SYBU: variants seen among roughly 807,000 people sequenced by gnomAD.
SYBU encodes GOLSYN A protein.
Under a neutral mutation model 35.9 loss-of-function variants are expected in SYBU, and 21 were observed. That is an observed-to-expected ratio of 0.58 (90% CI 0.41 to 0.84). SYBU has a LOEUF of 0.84. SYBU is among the 40% of genes least tolerant of loss of function. SYBU has a pLI of 0.00. For missense variants in SYBU, 768 were observed against 848.2 expected (o/e 0.91, Z 1.17); for synonymous variants, 319 against 324.3 (o/e 0.98, Z 0.18).
intron 3 of SYBU, among the ~76,000 whole-genome samples, chr8:109,602,949 A>G (rs1205351610): frequency 6.6e-6 from 1 of 152,232 alleles, no homozygotes; most frequent in African/African-American, 2.4e-5. Flanking sequence ...AAATATTTCC[A>G]AGATAAGTCC....
rs1563756104 is a variant in SYBU at position 109,642,772 on chromosome 8, G to A, written c.185C>T (p.Ser62Phe). 1 of 1,613,326 alleles carries A rather than the reference G, an allele frequency of 6.2e-7. No homozygotes were observed. ...GCTAACGGTCCTCGCTGAGCGCCCA[G>A]AGCTGCTGGGGTTGAACTCTCTGCT... The part of the protein sequence containing the change: ...EESREFNPSS[S>F]GRSARTVSSN... The change falls in exon 2 of 7, where the codon TCT becomes TTT. Residue 62 changes from serine to phenylalanine, a missense_variant. By Grantham distance (155) the Ser-to-Phe change is radical (BLOSUM62 -2). Transcript: ENST00000276646.
intron 3 of SYBU, among the ~76,000 whole-genome samples, chr8:109,605,100 G>T (rs755616821): frequency 6.6e-6 from 1 of 152,154 alleles, no homozygotes; most frequent in African/African-American, 2.4e-5. Flanking sequence ...ACCTCAGAAA[G>T]CTCCCCAGAT....
chr8:109,596,347 A>G (rs1186092046), intron 3 of SYBU, among the ~76,000 whole-genome samples: 2 of 152,240 alleles, frequency 1.3e-5, no homozygotes, highest in East Asian at 1.9e-4. Context: ...TTATTTACTG[A>G]CTGCTCTGTT....
Position 109,643,149 on chromosome 8 carries a change from A to G in SYBU, c.25-217T>C, listed in dbSNP as rs530118494. 364 of 169,046 alleles carry G rather than the reference A, an allele frequency of 2.2e-3. 3 individuals carry two copies. In the South Asian group the frequency reaches 0.077, roughly 36 times the overall value. The allele number at this position is 169,046 out of a possible 1,614,324, so 10.5% of individuals were successfully genotyped here. A position where few individuals can be genotyped will look rare whatever the true frequency, so the allele number is the denominator to read the frequency against. On this transcript the variant is annotated intron_variant, in intron 1 of 6. Transcript: ENST00000276646. ...ACTGAATAGCACATGTCTGTGTGGC[A>G]CACACACACACACACACACACACAT... is the stretch of plus-strand genomic sequence containing the variant.
At chr8:109,622,066 A>G (rs950497935) in intron 2 of SYBU, among the ~76,000 whole-genome samples, 1 of 152,124 alleles carries the variant, frequency 6.6e-6, no homozygotes, top group Non-Finnish European at 1.5e-5. Context: ...TCAAATGAAG[A>G]TAACACTCCT....
At chr8:109,663,617 T>C (rs893538710) in intron 1 of SYBU, among the ~76,000 whole-genome samples, 4 of 152,076 alleles carry the variant, frequency 2.6e-5, no homozygotes, top group African/African-American at 9.7e-5. Context: ...ACAATGAAAA[T>C]ATTTCTGGTG....
At chr8:109,638,307 C>T (rs968297677) in intron 2 of SYBU, among the ~76,000 whole-genome samples, 1 of 152,186 alleles carries the variant, frequency 6.6e-6, no homozygotes, top group Non-Finnish European at 1.5e-5. Flanking sequence ...CCTAGGTCAT[C>T]GGCTTTTCTA....
intron 3 of SYBU, among the ~76,000 whole-genome samples, chr8:109,587,442 C>A (rs1050015165): frequency 1.3e-5 from 2 of 152,134 alleles, no homozygotes; most frequent in Admixed American, 6.5e-5. Context: ...TGTCCAGGAC[C>A]AAATCTTCAT....
chr8:109,678,889 G>A (rs956909928), intron 1 of SYBU, among the ~76,000 whole-genome samples: 1 of 152,114 alleles, frequency 6.6e-6, no homozygotes, highest in Admixed American at 6.5e-5. Context: ...TTGAACTAGA[G>A]CAACTCCATT....
chr8:109,580,328 G>A, intron 4 of SYBU: 1 of 222,782 alleles, frequency 4.5e-6, no homozygotes, highest in South Asian at 8.6e-5. Flanking sequence ...TTTGGAGGCT[G>A]TTTATTTTGG....
At chr8:109,616,010 T>TC (rs1231342074) in intron 3 of SYBU, among the ~76,000 whole-genome samples, 11 of 99,874 alleles carry the variant, frequency 1.1e-4, no homozygotes, top group Non-Finnish European at 1.6e-4. Flanking sequence ...TTCTTTCTTT[T>TC]TTTTTTTTTT....
chr8:109,607,749 A>G (rs530137891), intron 3 of SYBU, among the ~76,000 whole-genome samples: 127 of 150,582 alleles, frequency 8.4e-4, no homozygotes, highest in African/African-American at 2.8e-3. Flanking sequence ...CATTCAGAGT[A>G]TCTGAGAGGT....
At chr8:109,617,254 T>G (rs895607768) in intron 3 of SYBU, among the ~76,000 whole-genome samples, 8 of 152,198 alleles carry the variant, frequency 5.3e-5, no homozygotes, top group African/African-American at 1.9e-4. Context: ...TACTGTATAA[T>G]TCCATTTGTT....
intron 2 of SYBU, among the ~76,000 whole-genome samples, chr8:109,632,282 C>CGGG (rs1294375443): frequency 6.6e-6 from 1 of 152,210 alleles, no homozygotes; most frequent in African/African-American, 2.4e-5. Flanking sequence ...CTCAGATGAC[C>CGGG]TGCCCGCCTT....
chr8:109,642,730 G>T lies in SYBU; in HGVS notation c.227C>A (p.Ser76Ter). The T allele has an allele frequency of 6.3e-7, 1 of 1,599,758 alleles. No homozygotes were observed. Among genetic ancestry groups the T allele is most frequent in the Non-Finnish European group, 8.5e-7 (1 of 1,173,200 alleles). ...GTGGCCTCCCGAGGGTACTGTACCT[G>T]AGCAGAAGCTGTTGCTGCTAACGGT... ...ARTVSSNSFC[S>*]DDTGCPSSQS... The change falls in exon 2 of 7, where the codon TCA becomes TAA. Residue 76 changes from serine to a stop codon, truncating the protein, a stop_gained and splice_region_variant. Coordinates refer to ENST00000276646, the MANE Select transcript of SYBU (RefSeq NM_001099754.2). LOFTEE classifies it high-confidence loss of function.
chr8:109,594,819 T>C (rs1045885100), intron 3 of SYBU, among the ~76,000 whole-genome samples: 1 of 152,210 alleles, frequency 6.6e-6, no homozygotes. Context: ...TATCTTGACA[T>C]GCTTTCACCC....
At chr8:109,611,335 G>T (rs1391627888) in intron 3 of SYBU, among the ~76,000 whole-genome samples, 1 of 152,242 alleles carries the variant, frequency 6.6e-6, no homozygotes, top group Middle Eastern at 3.4e-3. Context: ...AATTCTTAGG[G>T]AAAAACCATT....
intron 3 of SYBU, among the ~76,000 whole-genome samples, chr8:109,599,434 C>T (rs1825257327): frequency 6.6e-6 from 1 of 152,216 alleles, no homozygotes. Context: ...ATTCTTGACT[C>T]ATACTCCAGA....
intron 1 of SYBU, among the ~76,000 whole-genome samples, chr8:109,688,598 A>G (rs967478418): frequency 4.6e-5 from 7 of 152,038 alleles, no homozygotes; most frequent in African/African-American, 1.7e-4. Flanking sequence ...TTACTTTCCT[A>G]ATTTCTTTCA....
Sources: gnomAD v4.1 joint callset for allele counts (sites outside exome capture counted in the v4.1 genomes callset) on GRCh38, gnomAD v4.1.1 for gene constraint, MANE v1.5 for transcripts, NCBI Gene and HGNC (gene_info 2026-07-23, HGNC 2026-07-21) for gene names.